GRIK2: variants seen among roughly 807,000 people sequenced by gnomAD.
The protein encoded by GRIK2 is glutamate receptor ionotropic, kainate 2.
In GRIK2, 32 loss-of-function variants were observed where a neutral mutation model predicts 100.3. That is an observed-to-expected ratio of 0.32 (90% CI 0.24 to 0.43). The LOEUF is 0.43. GRIK2 is among the 20% of genes least tolerant of loss of function. The pLI, the probability that GRIK2 is intolerant of heterozygous loss-of-function variation, is 1.00. For missense variants in GRIK2, 843 were observed against 1,114.9 expected (o/e 0.76, Z 3.47); for synonymous variants, 417 against 389.4 (o/e 1.07, Z -0.83).
chr6:101,921,193 G>A (rs1363699504), intron 12 of GRIK2, among the ~76,000 whole-genome samples: 2 of 152,080 alleles, frequency 1.3e-5, no homozygotes, highest in Non-Finnish European at 2.9e-5. Context: ...AGTGATTTAA[G>A]GGCTAGTGGC....
chr6:101,824,636 G>A (rs1782197423), intron 10 of GRIK2, among the ~76,000 whole-genome samples: 1 of 152,124 alleles, frequency 6.6e-6, no homozygotes, highest in Admixed American at 6.6e-5. Flanking sequence ...TAACACTTTA[G>A]CATACAAATG....
chr6:101,523,254 C>T (rs998223115), intron 2 of GRIK2, among the ~76,000 whole-genome samples: 1 of 152,044 alleles, frequency 6.6e-6, no homozygotes, highest in African/African-American at 2.4e-5. Context: ...CTCCCTCACC[C>T]AATTAACAAA....
At chr6:102,006,988 TC>T (rs1296530161) in intron 14 of GRIK2, among the ~76,000 whole-genome samples, 1 of 152,138 alleles carries the variant, frequency 6.6e-6, no homozygotes, top group African/African-American at 2.4e-5. Flanking sequence ...TTAGAAATAC[TC>T]CTAATTCTGT....
chr6:101,463,673 C>T (rs145934604), intron 2 of GRIK2, among the ~76,000 whole-genome samples: 334 of 152,174 alleles, frequency 2.2e-3, no homozygotes, highest in Admixed American at 7.5e-3. Flanking sequence ...GCAGACACCT[C>T]CAAGACGTTG....
At position 101,847,103 on chromosome 6, in the gene GRIK2, T is replaced by G. The variant is rs147540343; in HGVS notation, c.1318-12184T>G. On this transcript the variant is annotated intron_variant, in intron 10 of 16. Coordinates refer to ENST00000369134, the MANE Select transcript of GRIK2 (RefSeq NM_021956.5). ...TAAATTTATGTTACTTATTTGAGAT[T>G]TTTCTTCCTTTTTAATGTAGATATA... Among the ~76,000 whole-genome samples, 60 of 152,152 alleles carry G rather than the reference T, an allele frequency of 3.9e-4. No individual in the cohort carries two copies. In the East Asian group the frequency reaches 9.8e-3, roughly 25 times the overall value.
Position 101,818,493 on chromosome 6 carries a change from T to G in GRIK2, c.1317+10T>G. On this transcript the variant is annotated intron_variant, in intron 10 of 16. Coordinates refer to ENST00000369134, the MANE Select transcript of GRIK2 (RefSeq NM_021956.5). ...TGTTACCACCATTTTGGTAAGTATT[T>G]GCTTTTCCATTATTCTTAGTTAAAT... The G allele has an allele frequency of 7.1e-7, 1 of 1,414,116 alleles. No individual in the cohort carries two copies. Among genetic ancestry groups the G allele is most frequent in the Non-Finnish European group, 1.0e-6 (1 of 998,226 alleles). 87.6% of individuals were successfully genotyped at this position (1,414,116 alleles called of 1,614,324 possible).
Position 101,803,951 on chromosome 6 carries a change from T to C in GRIK2, c.1203+1513T>C, listed in dbSNP as rs531415041. On this transcript the variant is annotated intron_variant, in intron 9 of 16. Transcript: ENST00000369134. ...GCTCTGAGATTTCATAAATATTTTA[T>C]ATTATTTTCTAAAATCTGAAAATTC... Among the ~76,000 whole-genome samples, 125 of 152,058 alleles carry C rather than the reference T, an allele frequency of 8.2e-4. 1 individual carries two copies. Among genetic ancestry groups the C allele is most frequent in the African/African-American group, 2.8e-3 (115 of 41,514 alleles).
In GRIK2 at chr6:101,958,253, T is replaced by TTGTGTGTGTGTGTGTGTGTGTGTGTGTG. The variant is rs1554292720; in HGVS notation, c.2085+29624_2085+29651dup. ...CTTGTTTAAATGTATTGCTACATATTTGTGTGTGTGTGTGTGTGTGTGTGT... is the reference window on the plus strand; with the variant it reads ...CTTGTTTAAATGTATTGCTACATATTTGTGTGTGTGTGTGTGTGTGTGTGTGTGTGTGTGTGTGTGTGTGTGTGTGTGT... On this transcript the variant is annotated intron_variant, in intron 14 of 16. Coordinates refer to ENST00000369134, the MANE Select transcript of GRIK2 (RefSeq NM_021956.5). Among the ~76,000 whole-genome samples, 134 of 139,526 alleles carry TTGTGTGTGTGTGTGTGTGTGTGTGTGTG rather than the reference T, an allele frequency of 9.6e-4. 1 individual carries two copies. The highest frequency in any genetic ancestry group is 3.8e-3 in the Middle Eastern group (1 of 262). The allele number at this position is 139,526 out of a possible 152,430, so 91.5% of individuals were successfully genotyped here.
intron 2 of GRIK2, 145 bp from the exon 3 acceptor site, chr6:101,621,804 C>G (rs1433111984): frequency 4.7e-6 from 3 of 638,070 alleles, no homozygotes; most frequent in Admixed American, 5.5e-5. Flanking sequence ...CTCCCTCTCT[C>G]TCTCTCTTTC....
At chr6:101,410,480 C>T (rs1775839934) in intron 2 of GRIK2, among the ~76,000 whole-genome samples, 2 of 152,012 alleles carry the variant, frequency 1.3e-5, no homozygotes, top group East Asian at 3.9e-4. Flanking sequence ...AGACCACTAA[C>T]CTCAGCATTC....
chr6:101,601,858 T>C (rs1779228256), intron 2 of GRIK2, among the ~76,000 whole-genome samples: 1 of 151,776 alleles, frequency 6.6e-6, no homozygotes, highest in African/African-American at 2.4e-5. Flanking sequence ...CTATTGATCA[T>C]GTGTATCCTT....
chr6:101,792,535 C>A (rs922768937), intron 7 of GRIK2, among the ~76,000 whole-genome samples: 2 of 151,630 alleles, frequency 1.3e-5, no homozygotes, highest in East Asian at 3.9e-4. Context: ...GAATATTGGC[C>A]CCCACTCTCT....
chr6:101,480,440 C>T (rs992664410), intron 2 of GRIK2, among the ~76,000 whole-genome samples: 1 of 151,942 alleles, frequency 6.6e-6, no homozygotes, highest in African/African-American at 2.4e-5. Flanking sequence ...CTATCTTTCT[C>T]TTTTGTCAGG....
At chr6:101,623,851 T>A (rs1780299985) in intron 3 of GRIK2, among the ~76,000 whole-genome samples, 1 of 152,128 alleles carries the variant, frequency 6.6e-6, no homozygotes, top group East Asian at 1.9e-4. Context: ...ATCTTCTGAA[T>A]CTCTTGTTTG....
At chr6:101,717,213 A>G (rs1212801785) in intron 7 of GRIK2, among the ~76,000 whole-genome samples, 1 of 151,758 alleles carries the variant, frequency 6.6e-6, no homozygotes, top group Non-Finnish European at 1.5e-5. Context: ...GGAGCAAACA[A>G]TGAAAGCAGA....
In GRIK2 at chr6:101,541,537, A is replaced by T. The variant is rs113093935; in HGVS notation, c.116-80412A>T. On this transcript the variant is annotated intron_variant, in intron 2 of 16. Transcript: ENST00000369134. ...TTTTCCAATCTATTTCTGTCTCCCCAGTGATCTCTAAGATCCTTGAAGTCA... is the reference window on the plus strand; with the variant it reads ...TTTTCCAATCTATTTCTGTCTCCCCTGTGATCTCTAAGATCCTTGAAGTCA... Among the ~76,000 whole-genome samples the T allele has an allele frequency of 4.2e-4, 64 of 152,068 alleles. 1 individual carries two copies. The highest frequency in any genetic ancestry group is 1.4e-3 in the African/African-American group (58 of 41,436).
intron 4 of GRIK2, among the ~76,000 whole-genome samples, chr6:101,627,127 G>C (rs928793849): frequency 4.5e-4 from 66 of 148,176 alleles, no homozygotes; most frequent in Non-Finnish European, 7.1e-4. Flanking sequence ...CTGTGTGTGT[G>C]TGTGTGTGTG....
At chr6:101,892,369 C>A (rs985141313) in intron 12 of GRIK2, among the ~76,000 whole-genome samples, 1 of 152,084 alleles carries the variant, frequency 6.6e-6, no homozygotes, top group Non-Finnish European at 1.5e-5. Flanking sequence ...GATGGATATG[C>A]ACTTATCTAA....
intron 14 of GRIK2, among the ~76,000 whole-genome samples, chr6:102,027,742 CA>C (rs1769778399): frequency 6.6e-6 from 1 of 151,010 alleles, no homozygotes. Flanking sequence ...TTCATAAAAG[CA>C]AGTTCAATGA....
Sources: allele counts gnomAD v4.1 joint callset (sites outside exome capture counted in the v4.1 genomes callset), GRCh38; gene constraint gnomAD v4.1.1; transcripts MANE v1.5; gene names NCBI Gene and HGNC (gene_info 2026-07-23, HGNC 2026-07-21).